CCSER1: variants seen among roughly 807,000 people sequenced by gnomAD.
CCSER1 encodes serine-rich coiled-coil domain-containing protein 1.
In CCSER1, 41 loss-of-function variants were observed where a neutral mutation model predicts 82.0. The observed-to-expected ratio is 0.50, with a 90% confidence interval of 0.39 to 0.65. The LOEUF (loss-of-function observed/expected upper bound fraction) is 0.65, where lower values mean the gene tolerates loss of function less well. Ranked by LOEUF, CCSER1 falls within the 30% of genes least tolerant of loss-of-function variation. The pLI is 0.00. For missense variants in CCSER1, 1,119 were observed against 1,064.2 expected (o/e 1.05, Z -0.72); for synonymous variants, 414 against 383.9 (o/e 1.08, Z -0.92).
intron 3 of CCSER1, among the ~76,000 whole-genome samples, chr4:90,340,585 T>G (rs1741208616): frequency 6.6e-6 from 1 of 152,202 alleles, no homozygotes; most frequent in South Asian, 2.1e-4. Context: ...AAATAGCTGT[T>G]GAATCATCTA....
intron 10 of CCSER1, among the ~76,000 whole-genome samples, chr4:91,354,292 T>C (rs1748674269): frequency 6.6e-6 from 1 of 152,196 alleles, no homozygotes; most frequent in African/African-American, 2.4e-5. Context: ...TCATTTTTCG[T>C]GGGAAGCATA....
intron 9 of CCSER1, among the ~76,000 whole-genome samples, chr4:90,968,130 T>C (rs1176332914): frequency 2.6e-5 from 4 of 151,794 alleles, no homozygotes; most frequent in Admixed American, 6.6e-5. Context: ...CCTGCAGATA[T>C]TTAAGAGTAG....
At chr4:90,548,727 G>GAT (rs60880201) in intron 5 of CCSER1, among the ~76,000 whole-genome samples, 19,113 of 143,358 alleles carry the variant, frequency 0.13, 1,242 homozygotes, top group Non-Finnish European at 0.15. Flanking sequence ...ATCATTTAAA[G>GAT]ATATATATAT....
intron 6 of CCSER1, among the ~76,000 whole-genome samples, chr4:90,671,530 A>G (rs2149150001): frequency 6.6e-6 from 1 of 152,182 alleles, no homozygotes; most frequent in East Asian, 1.9e-4. Context: ...ATTCAGTCAC[A>G]TCTAATTCTG....
At chr4:90,360,163 C>T (rs907804184) in intron 3 of CCSER1, among the ~76,000 whole-genome samples, 4 of 148,734 alleles carry the variant, frequency 2.7e-5, no homozygotes, top group Non-Finnish European at 4.5e-5. Context: ...GTGATCCGCC[C>T]GCCTCAGCCT....
At chr4:90,617,295 G>C (rs141363520) in intron 5 of CCSER1, among the ~76,000 whole-genome samples, 1 of 152,052 alleles carries the variant, frequency 6.6e-6, no homozygotes, top group Non-Finnish European at 1.5e-5. Context: ...AGAGCAAAAT[G>C]GAGCTTTTAT....
intron 10 of CCSER1, among the ~76,000 whole-genome samples, chr4:91,384,973 C>T (rs1222301758): frequency 6.6e-6 from 1 of 152,000 alleles, no homozygotes; most frequent in Admixed American, 6.6e-5. Context: ...CATTCTCATG[C>T]ATTGCATCTG....
chr4:90,974,363 T>A (rs1735406270), intron 9 of CCSER1, among the ~76,000 whole-genome samples: 1 of 144,528 alleles, frequency 6.9e-6, no homozygotes, highest in Admixed American at 6.9e-5. Flanking sequence ...TTACATTGTA[T>A]ACATATCTCA....
intron 8 of CCSER1, among the ~76,000 whole-genome samples, chr4:90,893,782 T>TGTGC (rs1431926120): frequency 2.4e-5 from 3 of 124,758 alleles, no homozygotes; most frequent in African/African-American, 9.1e-5. Context: ...TGTGCGTGTG[T>TGTGC]GTGTGTGTGT....
intron 10 of CCSER1, among the ~76,000 whole-genome samples, chr4:91,436,835 G>T (rs918113234): frequency 6.6e-6 from 1 of 152,072 alleles, no homozygotes; most frequent in South Asian, 2.1e-4. Context: ...AGGACAAAAA[G>T]CACAATGTCT....
intron 9 of CCSER1, among the ~76,000 whole-genome samples, chr4:90,970,008 T>G (rs1734941816): frequency 6.7e-6 from 1 of 149,446 alleles, no homozygotes; most frequent in African/African-American, 2.5e-5. Context: ...AATCATAAAA[T>G]TACAAAGGAA....
Position 90,215,722 on chromosome 4 carries a change from T to C in CCSER1, c.-42+87891T>C, listed in dbSNP as rs1031300519. On this transcript the variant is annotated intron_variant, in intron 1 of 10. Coordinates refer to ENST00000509176, the MANE Select transcript of CCSER1 (RefSeq NM_001145065.2). Reference sequence around the variant, plus strand: ...CCAATAATTTCAAAATATAGAACTTTCTGGCAAAGGTGCAATGGAAAATGT... The same window carrying C: ...CCAATAATTTCAAAATATAGAACTTCCTGGCAAAGGTGCAATGGAAAATGT... 8.5e-5 allele frequency among the ~76,000 whole-genome samples: 13 copies of C among 152,308 alleles called. No individual in the cohort carries two copies. In the East Asian group the frequency reaches 2.5e-3, roughly 29 times the overall value.
chr4:91,335,131 C>A (rs937802109), intron 10 of CCSER1, among the ~76,000 whole-genome samples: 1 of 151,992 alleles, frequency 6.6e-6, no homozygotes, highest in African/African-American at 2.4e-5. Context: ...ATTCTCCAGG[C>A]TCTTTATAGA....
intron 1 of CCSER1, among the ~76,000 whole-genome samples, chr4:90,209,098 GCTTA>G (rs1739467012): frequency 6.6e-6 from 1 of 152,174 alleles, no homozygotes. Flanking sequence ...ATGCTCAGAG[GCTTA>G]CTTGTTTATA....
chr4:91,256,004 G>A (rs1267935838), intron 10 of CCSER1, among the ~76,000 whole-genome samples: 1 of 152,160 alleles, frequency 6.6e-6, no homozygotes, highest in African/African-American at 2.4e-5. Flanking sequence ...CATTAAGTCT[G>A]ACTTCCTGGG....
At chr4:91,577,462 TA>T (rs201479325) in intron 10 of CCSER1, among the ~76,000 whole-genome samples, 37 of 151,074 alleles carry the variant, frequency 2.4e-4, no homozygotes, top group Middle Eastern at 3.4e-3. Context: ...AAAAATAAAA[TA>T]AAAAAAAATA....
At chr4:90,377,350 A>G (rs148807878) in intron 3 of CCSER1, among the ~76,000 whole-genome samples, 1 of 152,310 alleles carries the variant, frequency 6.6e-6, no homozygotes, top group African/African-American at 2.4e-5. Context: ...ATTTTTACTG[A>G]AATTTAGCTC....
chr4:90,579,739 A>G (rs1781213922), intron 5 of CCSER1, among the ~76,000 whole-genome samples: 1 of 152,162 alleles, frequency 6.6e-6, no homozygotes, highest in Admixed American at 6.5e-5. Context: ...AAACTCAGAT[A>G]TTGAGGAATA....
rs141693896 is a variant in CCSER1, at chr4:90,472,022, T to C, written c.1724+3668T>C. Reference sequence around the variant, plus strand: ...ATAAAATAATCACCCGCCAATATAATACTAATGCTGAAAGTTGAGACACTG... The same window carrying C: ...ATAAAATAATCACCCGCCAATATAACACTAATGCTGAAAGTTGAGACACTG... On this transcript the variant is annotated intron_variant, in intron 5 of 10. Coordinates refer to ENST00000509176, the MANE Select transcript of CCSER1 (RefSeq NM_001145065.2). 2.2e-3 allele frequency among the ~76,000 whole-genome samples: 329 copies of C among 152,152 alleles called. 1 individual carries two copies. Among genetic ancestry groups the C allele is most frequent in the South Asian group, 0.012 (59 of 4,822 alleles).
Sources: gnomAD v4.1 joint callset for allele counts (sites outside exome capture counted in the v4.1 genomes callset) on GRCh38, gnomAD v4.1.1 for gene constraint, MANE v1.5 for transcripts, NCBI Gene and HGNC (gene_info 2026-07-23, HGNC 2026-07-21) for gene names.